CRTC1: variants seen among roughly 807,000 people sequenced by gnomAD.
The protein encoded by CRTC1 is CREB regulated transcription coactivator 1.
Under a neutral mutation model 66.1 loss-of-function variants are expected in CRTC1, and 18 were observed. The observed-to-expected ratio is 0.27, with a 90% CI of 0.19 to 0.40. The LOEUF (loss-of-function observed/expected upper bound fraction) is 0.40, where lower values mean the gene tolerates loss of function less well. CRTC1 is among the 10% of genes least tolerant of loss of function. CRTC1 has a pLI of 1.00. For synonymous variants in CRTC1, 416 were observed against 398.8 expected (o/e 1.04, Z -0.51); for missense variants, 669 against 887.9 (o/e 0.75, Z 3.13).
intron 11 of CRTC1, among the ~76,000 whole-genome samples, chr19:18,772,246 C>T (rs184032939): frequency 3.9e-5 from 6 of 152,348 alleles, no homozygotes; most frequent in African/African-American, 1.2e-4. Context: ...AGCGGCCAGC[C>T]TGGCTCCCCA....
intron 1 of CRTC1, among the ~76,000 whole-genome samples, chr19:18,725,858 G>A (rs534678267): frequency 4.6e-5 from 7 of 152,270 alleles, no homozygotes; most frequent in East Asian, 1.9e-4. Context: ...CTCTCTCCCC[G>A]TGTGTCGCGC....
chr19:18,772,416 T>G (rs1244823488), intron 11 of CRTC1, among the ~76,000 whole-genome samples: 1 of 152,166 alleles, frequency 6.6e-6, no homozygotes, highest in Non-Finnish European at 1.5e-5. Flanking sequence ...CCCGCTATCC[T>G]GGGACCATCT....
At chr19:18,765,871 G>A (rs896229384) in intron 9 of CRTC1, among the ~76,000 whole-genome samples, 2 of 152,010 alleles carry the variant, frequency 1.3e-5, no homozygotes, top group African/African-American at 4.8e-5. Context: ...TAAGATGAGA[G>A]GATCACTTGA....
At chr19:18,775,509 C>A in intron 12 of CRTC1, 132 bp from the exon 13 acceptor site, 1 of 810,042 alleles carries the variant, frequency 1.2e-6, no homozygotes, top group Non-Finnish European at 1.9e-6. Flanking sequence ...GCTTGGCAGC[C>A]TGGGTGCCGA....
intron 1 of CRTC1, among the ~76,000 whole-genome samples, chr19:18,711,796 G>A (rs1006080540): frequency 1.9e-4 from 29 of 152,202 alleles, no homozygotes; most frequent in Non-Finnish European, 4.0e-4. Context: ...TTATACACAT[G>A]TGGGACCGTG....
chr19:18,744,405 C>T (rs1473266428), intron 2 of CRTC1, among the ~76,000 whole-genome samples: 4 of 152,336 alleles, frequency 2.6e-5, no homozygotes, highest in South Asian at 2.1e-4. Flanking sequence ...GCCATAGCCG[C>T]GCATCCCCAT....
chr19:18,777,573 C>G lies in CRTC1; in HGVS notation c.*191C>G, dbSNP rs942400421. The G allele has an allele frequency of 5.2e-6, 3 of 575,706 alleles. No homozygotes were observed. The highest frequency in any genetic ancestry group is 9.0e-6 in the Non-Finnish European group (3 of 333,110). 35.7% of individuals were successfully genotyped at this position (575,706 alleles called of 1,614,324 possible). On this transcript the variant is annotated 3_prime_UTR_variant, in exon 14 of 14. Transcript: ENST00000321949. This position sits in a 1 kb window ranked among gnomAD's most constrained non-coding sequence, Gnocchi z 5.5. ...CCCAATCGCGAGGCCGCGAGCCGGGCCGTCCACCCACCCGCCCGCCCAGGG... is the reference window on the plus strand; with the variant it reads ...CCCAATCGCGAGGCCGCGAGCCGGGGCGTCCACCCACCCGCCCGCCCAGGG...
intron 9 of CRTC1, among the ~76,000 whole-genome samples, chr19:18,765,814 A>G (rs930869959): frequency 2.0e-5 from 3 of 152,056 alleles, no homozygotes; most frequent in Non-Finnish European, 4.4e-5. Flanking sequence ...TACAAAAATT[A>G]GCTGGGCATG....
At chr19:18,714,208 C>T (rs1187840296) in intron 1 of CRTC1, among the ~76,000 whole-genome samples, 3 of 152,220 alleles carry the variant, frequency 2.0e-5, no homozygotes, top group African/African-American at 4.8e-5. Context: ...GCTCCATTTG[C>T]AGGAAGACAT....
chr19:18,731,784 G>A (rs536426811), intron 1 of CRTC1, among the ~76,000 whole-genome samples: 3 of 152,168 alleles, frequency 2.0e-5, no homozygotes, highest in Non-Finnish European at 4.4e-5. Context: ...CTTCCTGCTC[G>A]TCACACCTCG....
In CRTC1 at chr19:18,781,230, G is replaced by A. The variant is rs1319238565; in HGVS notation, c.*3848G>A. 2 of 227,244 alleles carry A rather than the reference G, an allele frequency of 8.8e-6. No homozygotes were observed. The highest frequency in any genetic ancestry group is 8.7e-6 in the Non-Finnish European group (1 of 114,408). 14.1% of individuals were successfully genotyped at this position (227,244 alleles called of 1,614,324 possible). On this transcript the variant is annotated 3_prime_UTR_variant, in exon 14 of 14. Transcript: ENST00000321949. ...TGGTGCCCTGGGCCAGGGCGTGCGG[G>A]CGCCAGAGCCTTCCCTACACAGCCT...
Position 18,747,129 on chromosome 19 carries a change from A to ACCC in CRTC1, c.443+23_443+25dup, listed in dbSNP as rs56040769. 1.0e-3 allele frequency: 1,115 copies of ACCC among 1,109,228 alleles called. No homozygotes were observed. Among genetic ancestry groups the ACCC allele is most frequent in the African/African-American group, 7.8e-3 (362 of 46,162 alleles). The allele number at this position is 1,109,228 out of a possible 1,614,324, so 68.7% of individuals were successfully genotyped here. A position where few individuals can be genotyped will look rare whatever the true frequency, so the allele number is the denominator to read the frequency against. On this transcript the variant is annotated intron_variant, in intron 4 of 13. Coordinates refer to ENST00000321949, the MANE Select transcript of CRTC1 (RefSeq NM_015321.3). ...AGCTGGAGAAGGTCAGTGGCTGGAC[A>ACCC]CCCCCCCCCCGCCCCCTTCTTGTTG...
At chr19:18,714,494 G>C (rs1322634501) in intron 1 of CRTC1, among the ~76,000 whole-genome samples, 1 of 152,062 alleles carries the variant, frequency 6.6e-6, no homozygotes, top group Admixed American at 6.6e-5. Flanking sequence ...TTTTAGTAGA[G>C]AGCGGGTTTC....
At chr19:18,757,003 G>T (rs1168578855) in intron 6 of CRTC1, among the ~76,000 whole-genome samples, 1 of 152,228 alleles carries the variant, frequency 6.6e-6, no homozygotes, top group African/African-American at 2.4e-5. Context: ...ACACCCGCCG[G>T]TCGCACGCCA....
intron 1 of CRTC1, among the ~76,000 whole-genome samples, chr19:18,732,654 C>T (rs1383228185): frequency 6.6e-6 from 1 of 152,046 alleles, no homozygotes; most frequent in East Asian, 1.9e-4. Flanking sequence ...GTGGAAGGTT[C>T]CAGACAAGGG....
rs868630886 is a variant in CRTC1 at position 18,768,726 on chromosome 19, C to A, written c.1253C>A (p.Pro418Gln). Residue 418 changes from proline to glutamine, a missense_variant, in exon 10 of 14, where the codon CCG (proline) becomes CAG (glutamine). Transcript: ENST00000321949. The surrounding 1 kb of genome is among the most constrained non-coding windows in gnomAD (Gnocchi z 5.6). The part of the protein sequence containing the change: ...PQPPPLAVTV[P>Q]SSLPQSPPEN... ...CCGCCCCCGCTTGCAGTCACGGTAC[C>A]GTCCTCTCTCCCCCAGTCCCCCCCA... 1.3e-6 allele frequency: 2 copies of A among 1,598,122 alleles called. No individual in the cohort carries two copies. The highest frequency in any genetic ancestry group is 2.3e-5 in the East Asian group (1 of 43,890).
In CRTC1 at chr19:18,778,289, G is replaced by GT. The variant is rs372231392; in HGVS notation, c.*916dup. 5.5e-4 allele frequency: 127 copies of GT among 230,360 alleles called. No individual in the cohort carries two copies. Among genetic ancestry groups the GT allele is most frequent in the Middle Eastern group, 2.6e-3 (2 of 770 alleles). 14.3% of individuals were successfully genotyped at this position (230,360 alleles called of 1,614,324 possible). ...AGGTGGCCAGGGGAGTTTCATTGTG[G>GT]TTTTTTTTTCCTTTTAGTTTCTAGT... On this transcript the variant is annotated 3_prime_UTR_variant, in exon 14 of 14. Transcript: ENST00000321949.
intron 9 of CRTC1, 53 bp downstream of exon 9, chr19:18,765,581 C>T (rs2054713176): frequency 6.5e-7 from 1 of 1,539,412 alleles, no homozygotes. Context: ...AAGGTGGAGG[C>T]CTGGCTCTAC....
intron 7 of CRTC1, 100 bp downstream of exon 7, chr19:18,759,691 A>G: frequency 1.5e-6 from 2 of 1,326,866 alleles, no homozygotes; most frequent in Non-Finnish European, 2.1e-6. Context: ...AAGTCCCTGC[A>G]AGAGGGACAC....
Sources: gnomAD v4.1 joint callset for allele counts (sites outside exome capture counted in the v4.1 genomes callset) on GRCh38, gnomAD v4.1.1 for gene constraint, Gnocchi (gnomAD v3.1) non-coding constraint, MANE v1.5 for transcripts, NCBI Gene and HGNC (gene_info 2026-07-23, HGNC 2026-07-21) for gene names.